Variants in IQSEC1 observed in about 807,000 individuals in gnomAD.
IQSEC1 encodes IQ motif and Sec7 domain ArfGEF 1, also known as IQ motif and SEC7 domain-containing protein 1.
IQSEC1 carries 31 observed loss-of-function variants against 91.0 expected under a neutral mutation model. The ratio of observed to expected loss-of-function variants is 0.34; its 90% CI spans 0.26 to 0.46. The LOEUF (loss-of-function observed/expected upper bound fraction) is 0.46, where lower values mean the gene tolerates loss of function less well. IQSEC1 is among the 20% of genes least tolerant of loss of function. The pLI, the probability that IQSEC1 is intolerant of heterozygous loss-of-function variation, is 1.00. For synonymous variants in IQSEC1, 699 were observed against 662.6 expected (o/e 1.05, Z -0.84); for missense variants, 1,388 against 1,575.6 (o/e 0.88, Z 2.02).
rs1349240414 is a variant in IQSEC1 at position 12,899,807 on chromosome 3, G to C, written c.*1176C>G. 1 of 985,288 alleles carries C rather than the reference G, an allele frequency of 1.0e-6. No individual in the cohort carries two copies. Among genetic ancestry groups the C allele is most frequent in the East Asian group, 1.1e-4 (1 of 8,826 alleles). The allele number at this position is 985,288 out of a possible 1,614,324, so 61.0% of individuals were successfully genotyped here. A position where few individuals can be genotyped will look rare whatever the true frequency, so the allele number is the denominator to read the frequency against. On this transcript the variant is annotated 3_prime_UTR_variant, in exon 14 of 14. Coordinates refer to ENST00000613206, the MANE Select transcript of IQSEC1 (RefSeq NM_001134382.3). ...ATGAAAACACTCTCTGAGGGCTTCGGCCTGGTGTGGGTTGGAGGCGGGATG... is the reference window on the plus strand; with the variant it reads ...ATGAAAACACTCTCTGAGGGCTTCGCCCTGGTGTGGGTTGGAGGCGGGATG...
intron 1 of IQSEC1, among the ~76,000 whole-genome samples, chr3:13,033,695 T>G (rs1315737261): frequency 1.3e-5 from 2 of 152,140 alleles, no homozygotes; most frequent in African/African-American, 4.8e-5. Context: ...AATCTGAGTC[T>G]GAAGGCAGGA....
intron 2 of IQSEC1, among the ~76,000 whole-genome samples, chr3:13,161,655 C>T (rs13082089): frequency 0.3 from 45,778 of 152,104 alleles, 7,161 homozygotes; most frequent in East Asian, 0.36. Flanking sequence ...AAAGCCATGA[C>T]GAGTCACATC....
In IQSEC1 at chr3:13,185,489, G is replaced by C. The variant is rs547085055; in HGVS notation, c.273-21356C>G. ...GGGTCCTGTGCCTGGGACTGCGCCT[G>C]CTATATGGGAGCACCTCAGCAGATA... On this transcript the variant is annotated intron_variant, in intron 1 of 15. Transcript: ENST00000648114. Among the ~76,000 whole-genome samples, 5 of 152,334 alleles carry C rather than the reference G, an allele frequency of 3.3e-5. 1 individual carries two copies. The highest frequency in any genetic ancestry group is 1.2e-4 in the African/African-American group (5 of 41,554).
At chr3:13,022,308 C>A (rs999549275) in intron 1 of IQSEC1, 4 of 1,210,436 alleles carry the variant, frequency 3.3e-6, no homozygotes, top group Middle Eastern at 3.2e-4. Context: ...GAGCCACAGG[C>A]CCCACTATCC....
At position 12,935,043 on chromosome 3, in the gene IQSEC1, C is replaced by T. The variant is rs904595620; in HGVS notation, c.1568+405G>A. 2.7e-5 allele frequency among the ~76,000 whole-genome samples: 4 copies of T among 150,868 alleles called. No homozygotes were observed. The South Asian group carries it at 6.3e-4, about 24-fold the overall frequency. On this transcript the variant is annotated intron_variant, in intron 3 of 13. Transcript: ENST00000613206. This position sits in a 1 kb window ranked among gnomAD's most constrained non-coding sequence, Gnocchi z 8.0. ...TGTCTGCCCCTGCCCCCCACTGACA[C>T]AACCGGTCATACCCCTGCTCAAAGG...
At chr3:13,016,295 G>A (rs1311328083) in intron 1 of IQSEC1, among the ~76,000 whole-genome samples, 3 of 152,160 alleles carry the variant, frequency 2.0e-5, no homozygotes, top group African/African-American at 4.8e-5. Context: ...CACTGCAACC[G>A]CCAGCCAGTC....
intron 1 of IQSEC1, among the ~76,000 whole-genome samples, chr3:13,068,556 T>C (rs1415209873): frequency 6.6e-6 from 1 of 152,164 alleles, no homozygotes; most frequent in East Asian, 1.9e-4. Context: ...AGTCTTTTCT[T>C]CATATCTTTA....
chr3:13,042,341 C>T (rs1335552759), intron 1 of IQSEC1: 2 of 152,242 alleles, frequency 1.3e-5, no homozygotes, highest in Non-Finnish European at 2.9e-5. Context: ...GTAATCCAGG[C>T]AAAAGGCCTT....
At chr3:13,200,105 G>GCA (rs1042505190) in intron 1 of IQSEC1, among the ~76,000 whole-genome samples, 1 of 140,168 alleles carries the variant, frequency 7.1e-6, no homozygotes. Flanking sequence ...GCGCGCGCAC[G>GCA]CACACACACA....
At chr3:13,176,651 T>C (rs960626840) in intron 1 of IQSEC1, among the ~76,000 whole-genome samples, 1 of 152,148 alleles carries the variant, frequency 6.6e-6, no homozygotes, top group African/African-American at 2.4e-5. Flanking sequence ...AGCCGGCATC[T>C]TGAAGCACCC....
chr3:12,949,105 T>A (rs1699370445), intron 1 of IQSEC1, among the ~76,000 whole-genome samples: 1 of 152,084 alleles, frequency 6.6e-6, no homozygotes, highest in Non-Finnish European at 1.5e-5. Context: ...AACTCAGGGA[T>A]GGAAGAGTTG....
chr3:13,048,886 C>T (rs554930727), intron 1 of IQSEC1, among the ~76,000 whole-genome samples: 3 of 152,356 alleles, frequency 2.0e-5, no homozygotes, highest in African/African-American at 4.8e-5. Context: ...ACCCCTCTCC[C>T]CTTGAGCCAG....
intron 1 of IQSEC1, among the ~76,000 whole-genome samples, chr3:13,048,916 T>G (rs1330066744): frequency 3.9e-5 from 6 of 152,108 alleles, no homozygotes; most frequent in Admixed American, 3.3e-4. Flanking sequence ...AGGGCCACAC[T>G]CTGTTGGCTC....
intron 3 of IQSEC1, among the ~76,000 whole-genome samples, chr3:12,925,497 C>T (rs552643026): frequency 2.6e-5 from 4 of 152,306 alleles, no homozygotes; most frequent in East Asian, 1.9e-4. Context: ...ATGCCTGCAA[C>T]GACGCACTCA....
Position 13,271,588 on chromosome 3 carries a change from G to A in IQSEC1, c.272+11123C>T, listed in dbSNP as rs113839723. Among the ~76,000 whole-genome samples, 1,120 of 152,172 alleles carry A rather than the reference G, an allele frequency of 7.4e-3. 11 individuals are homozygous for A. The highest frequency in any genetic ancestry group is 0.026 in the African/African-American group (1,064 of 41,494). Reference sequence around the variant, plus strand: ...AGGTGGAAGTATAACTTTAAGTCAGGAGTTCAAGACCAGCCTGGGCAACAA... The same window carrying A: ...AGGTGGAAGTATAACTTTAAGTCAGAAGTTCAAGACCAGCCTGGGCAACAA... On this transcript the variant is annotated intron_variant, in intron 1 of 15. Coordinates refer to the IQSEC1 transcript ENST00000648114.
chr3:13,225,492 C>A (rs1401531252), intron 1 of IQSEC1, among the ~76,000 whole-genome samples: 1 of 152,186 alleles, frequency 6.6e-6, no homozygotes, highest in Non-Finnish European at 1.5e-5. Flanking sequence ...GAAAGTTCAT[C>A]ATAAATAGGA....
At chr3:13,139,149 G>A (rs535214800) in intron 2 of IQSEC1, among the ~76,000 whole-genome samples, 15 of 152,274 alleles carry the variant, frequency 9.9e-5, no homozygotes, top group East Asian at 3.9e-4. Flanking sequence ...ACAGCACTTC[G>A]CTAGCCATTT....
chr3:12,922,391 G>T lies in IQSEC1; in HGVS notation c.1731-149C>A, dbSNP rs934495555. 3.0e-6 allele frequency: 3 copies of T among 1,005,124 alleles called. No homozygotes were observed. Among genetic ancestry groups the T allele is most frequent in the East Asian group, 3.0e-5 (1 of 33,672 alleles). The allele number at this position is 1,005,124 out of a possible 1,614,324, so 62.3% of individuals were successfully genotyped here. A position where few individuals can be genotyped will look rare whatever the true frequency, so the allele number is the denominator to read the frequency against. ...CCTGACTCCGACCAATCAGCCAAGAGCCCTCAGAATGCAGCAAAAAGACCT... is the reference window on the plus strand; with the variant it reads ...CCTGACTCCGACCAATCAGCCAAGATCCCTCAGAATGCAGCAAAAAGACCT... On this transcript the variant is annotated intron_variant, in intron 4 of 13. Transcript: ENST00000613206. This position sits in a 1 kb window ranked among gnomAD's most constrained non-coding sequence, Gnocchi z 5.1.
At chr3:13,269,579 C>T (rs953977931) in intron 1 of IQSEC1, among the ~76,000 whole-genome samples, 4 of 152,204 alleles carry the variant, frequency 2.6e-5, no homozygotes, top group Non-Finnish European at 4.4e-5. Flanking sequence ...AGGGTGCTGG[C>T]CTCCTGATGA....
Sources: allele counts gnomAD v4.1 joint callset (sites outside exome capture counted in the v4.1 genomes callset), GRCh38; gene constraint gnomAD v4.1.1; non-coding constraint Gnocchi (gnomAD v3.1); transcripts MANE v1.5; gene names NCBI Gene and HGNC (gene_info 2026-07-23, HGNC 2026-07-21).